Variants in SGSM1 observed in about 807,000 individuals in gnomAD.
The protein encoded by SGSM1 is small G protein signaling modulator 1, also known as RUN and TBC1 domain containing 2.
A neutral mutation model predicts 133.8 loss-of-function variants in SGSM1; 73 were observed. That is an observed-to-expected ratio of 0.55 (90% confidence interval 0.45 to 0.66). The LOEUF is 0.66. SGSM1 is among the 30% of genes least tolerant of loss of function. The probability of loss-of-function intolerance (pLI) is 0.00; values close to 1 mark genes in which losing one functional copy is unlikely to be tolerated. For missense variants in SGSM1, 1,213 were observed against 1,448.1 expected (o/e 0.84, Z 2.64); for synonymous variants, 563 against 573.0 (o/e 0.98, Z 0.25).
intron 15 of SGSM1, among the ~76,000 whole-genome samples, chr22:24,884,862 A>G (rs1932514852): frequency 1.3e-5 from 2 of 152,146 alleles, no homozygotes; most frequent in African/African-American, 4.8e-5. Flanking sequence ...TACACCACAT[A>G]CCTGTTAAAG....
At chr22:24,823,454 A>C (rs1179452844) in intron 2 of SGSM1, among the ~76,000 whole-genome samples, 1 of 151,938 alleles carries the variant, frequency 6.6e-6, no homozygotes, top group African/African-American at 2.4e-5. Flanking sequence ...ACAAAAAATT[A>C]GCTGGGCGTG....
chr22:24,841,048 C>CA (rs1569142401), intron 2 of SGSM1, among the ~76,000 whole-genome samples: 1 of 152,036 alleles, frequency 6.6e-6, no homozygotes, highest in Non-Finnish European at 1.5e-5. Flanking sequence ...GACGGGGTTT[C>CA]ACCGTGTTAG....
intron 22 of SGSM1, among the ~76,000 whole-genome samples, chr22:24,916,605 C>T (rs1211079440): frequency 6.6e-5 from 10 of 151,640 alleles, no homozygotes; most frequent in South Asian, 2.1e-4. Flanking sequence ...GGCTGAGGCA[C>T]GAGAATCGCT....
chr22:24,924,651 T>A lies in SGSM1; in HGVS notation c.*377T>A. ...AGATGAGACCTGGGGAGGAAACTTC[T>A]TTTTGGAAATTGGTGTAGAAGAGGT... On this transcript the variant is annotated 3_prime_UTR_variant, in exon 25 of 25. Coordinates refer to ENST00000400358, the MANE Select transcript of SGSM1 (RefSeq NM_001098497.3). 4.1e-6 allele frequency: 1 copy of A among 243,290 alleles called. No individual in the cohort carries two copies. Among genetic ancestry groups the A allele is most frequent in the Non-Finnish European group, 8.1e-6 (1 of 124,210 alleles). The allele number at this position is 243,290 out of a possible 1,614,324, so 15.1% of individuals were successfully genotyped here.
At chr22:24,852,549 T>C (rs1930541658) in intron 5 of SGSM1, among the ~76,000 whole-genome samples, 1 of 152,208 alleles carries the variant, frequency 6.6e-6, no homozygotes, top group Non-Finnish European at 1.5e-5. Context: ...GTTCAAGCGA[T>C]TCTCATGCCT....
At chr22:24,852,691 C>A (rs1423593023) in intron 5 of SGSM1, among the ~76,000 whole-genome samples, 1 of 152,158 alleles carries the variant, frequency 6.6e-6, no homozygotes, top group Non-Finnish European at 1.5e-5. Context: ...GATGCTCCCA[C>A]CTTGGCCTCC....
chr22:24,851,425 G>A (rs901066745), intron 5 of SGSM1, among the ~76,000 whole-genome samples: 5 of 127,440 alleles, frequency 3.9e-5, no homozygotes, highest in Non-Finnish European at 8.1e-5. Context: ...CCAAGAGGTG[G>A]CAGGAAGGGA....
chr22:24,864,183 C>T (rs185321873), intron 9 of SGSM1, among the ~76,000 whole-genome samples: 2 of 152,292 alleles, frequency 1.3e-5, no homozygotes, highest in Admixed American at 6.5e-5. Flanking sequence ...GACTTGCCTC[C>T]GATCTCAGCC....
chr22:24,924,329 T>A lies in SGSM1; in HGVS notation c.*55T>A. 2 of 1,524,244 alleles carry A rather than the reference T, an allele frequency of 1.3e-6. No homozygotes were observed. The highest frequency in any genetic ancestry group is 1.8e-6 in the Non-Finnish European group (2 of 1,102,140). The allele number at this position is 1,524,244 out of a possible 1,614,324, so 94.4% of individuals were successfully genotyped here. On this transcript the variant is annotated 3_prime_UTR_variant, in exon 25 of 25. Transcript: ENST00000400358. ...AGCTGCCCCTGCCCCGCTCCTCTGC[T>A]TACTTTTCCTCCTGGCTGGATGGGC...
chr22:24,866,474 G>C (rs943613909), intron 9 of SGSM1, among the ~76,000 whole-genome samples: 1 of 152,188 alleles, frequency 6.6e-6, no homozygotes, highest in Non-Finnish European at 1.5e-5. Context: ...TAGAGAAAAC[G>C]AAATTCAAGC....
chr22:24,874,586 T>C (rs769335691), intron 12 of SGSM1: 1 of 1,585,214 alleles, frequency 6.3e-7, no homozygotes, highest in Non-Finnish European at 8.6e-7. Context: ...CCCAGTAATG[T>C]CTGGGATCTC....
chr22:24,876,770 G>T (rs1932048587), intron 13 of SGSM1, 55 bp downstream of exon 13: 1 of 1,608,400 alleles, frequency 6.2e-7, no homozygotes. Context: ...CCAGAGATCT[G>T]TAGATGCCCA....
At chr22:24,874,445 C>A in intron 12 of SGSM1, 3 of 1,612,778 alleles carry the variant, frequency 1.9e-6, no homozygotes, top group Non-Finnish European at 2.5e-6. Flanking sequence ...AGCACTTCCT[C>A]CGTCTCTGTG....
intron 12 of SGSM1, among the ~76,000 whole-genome samples, chr22:24,869,248 C>G (rs775791239): frequency 6.6e-6 from 1 of 152,112 alleles, no homozygotes; most frequent in Non-Finnish European, 1.5e-5. Context: ...GGCTCATACC[C>G]GTAATCCTGG....
At chr22:24,914,277 A>C (rs1933737528) in intron 22 of SGSM1, among the ~76,000 whole-genome samples, 1 of 144,424 alleles carries the variant, frequency 6.9e-6, no homozygotes, top group Middle Eastern at 3.2e-3. Context: ...TGGGCGACAG[A>C]GCAAGACTCC....
intron 21 of SGSM1, among the ~76,000 whole-genome samples, chr22:24,912,020 A>G (rs1212491717): frequency 6.6e-6 from 1 of 150,868 alleles, no homozygotes; most frequent in Non-Finnish European, 1.5e-5. Context: ...GCGCCACTGC[A>G]CTCCAGCCTG....
At position 24,901,827 on chromosome 22, in the gene SGSM1, C is replaced by T. The variant is rs1933172004; in HGVS notation, c.2611-6C>T. ...TCCCCCTACCCCCTGCCCCGATGGC[C>T]TATAGCCAGAGCTGCTGGATCTGTA... On this transcript the variant is annotated splice_polypyrimidine_tract_variant and splice_region_variant and intron_variant, in intron 19 of 24. Transcript: ENST00000400358. The T allele has an allele frequency of 6.2e-7, 1 of 1,612,566 alleles. No homozygotes were observed. The highest frequency in any genetic ancestry group is 8.5e-7 in the Non-Finnish European group (1 of 1,179,472).
Position 24,855,675 on chromosome 22 carries a change from C to T in SGSM1, c.796C>T (p.Gln266Ter). ...LLYGKNNVLV[Q>*]PRDDMEAVPG... ...CTATGGCAAAAACAACGTTCTTGTT[C>T]AGCCGGTGAGAGGTTATCTTGGGCC... Residue 266 changes from glutamine (Q) to a stop codon, truncating the protein, a stop_gained, in exon 8 of 25, where the codon CAG becomes TAG. Coordinates refer to ENST00000400358, the MANE Select transcript of SGSM1 (RefSeq NM_001098497.3). LOFTEE classifies it high-confidence loss of function. The T allele has an allele frequency of 6.2e-7, 1 of 1,613,982 alleles. No homozygotes were observed. Among genetic ancestry groups the T allele is most frequent in the South Asian group, 1.1e-5 (1 of 91,076 alleles).
At chr22:24,850,465 T>G in intron 5 of SGSM1, 33 bp downstream of exon 5, 3 of 1,607,012 alleles carry the variant, frequency 1.9e-6, no homozygotes, top group Non-Finnish European at 2.6e-6. Flanking sequence ...CTGGCCATGC[T>G]CTGCCCCCAC....
Sources: gnomAD v4.1 joint callset for allele counts (sites outside exome capture counted in the v4.1 genomes callset) on GRCh38, gnomAD v4.1.1 for gene constraint, MANE v1.5 for transcripts, NCBI Gene and HGNC (gene_info 2026-07-23, HGNC 2026-07-21) for gene names.